The following NTM variants were observed in gnomAD, a reference collection of about 807,000 sequenced individuals.
NTM encodes neurotrimin, also known as IgLON family member 2.
A neutral mutation model predicts 42.1 loss-of-function variants in NTM; 13 were observed. That is an observed-to-expected ratio of 0.31 (90% confidence interval 0.20 to 0.49). The LOEUF is 0.49. Among genes scored for constraint, NTM ranks in the 20% least tolerant of loss-of-function variants. The pLI is 0.99. For missense variants in NTM, 373 were observed against 452.8 expected, an observed-to-expected ratio of 0.82 and a Z score of 1.60; for synonymous variants, 187 against 179.2, an observed-to-expected ratio of 1.04 and a Z score of -0.35.
chr11:131,527,899 A>T (rs79707285), intron 1 of NTM, among the ~76,000 whole-genome samples: 5,599 of 152,274 alleles, frequency 0.037, 348 homozygotes, highest in African/African-American at 0.13. Context: ...CAGCCCATTG[A>T]TCATGTACTA....
At chr11:131,511,094 C>A (rs908239324) in intron 1 of NTM, among the ~76,000 whole-genome samples, 3 of 152,186 alleles carry the variant, frequency 2.0e-5, no homozygotes, top group Admixed American at 6.5e-5. Context: ...GGGCTGTTGG[C>A]CAAATTGAGG....
chr11:132,179,181 G>T (rs1378260683), intron 3 of NTM, among the ~76,000 whole-genome samples: 2 of 152,146 alleles, frequency 1.3e-5, no homozygotes, highest in African/African-American at 4.8e-5. Flanking sequence ...CAAAAAAGAG[G>T]ATCAAAACCA....
chr11:131,734,490 G>A (rs1314484711), intron 1 of NTM, among the ~76,000 whole-genome samples: 2 of 152,146 alleles, frequency 1.3e-5, no homozygotes, highest in Non-Finnish European at 2.9e-5. Context: ...TTAGCAGTGT[G>A]CTAGGTAGAG....
intron 1 of NTM, among the ~76,000 whole-genome samples, chr11:131,423,788 G>A (rs906856630): frequency 6.6e-5 from 10 of 152,134 alleles, no homozygotes; most frequent in South Asian, 2.1e-4. Context: ...AAAGTATCTC[G>A]TTCTGTCTGC....
At chr11:131,969,453 GTCT>G (rs1461135037) in intron 2 of NTM, among the ~76,000 whole-genome samples, 1 of 152,214 alleles carries the variant, frequency 6.6e-6, no homozygotes, top group Non-Finnish European at 1.5e-5. Context: ...TCAAAACTGT[GTCT>G]TCTTGACATA....
chr11:132,053,035 C>T (rs1409680647), intron 2 of NTM, among the ~76,000 whole-genome samples: 1 of 152,118 alleles, frequency 6.6e-6, no homozygotes, highest in Non-Finnish European at 1.5e-5. Context: ...TGATAGCTTT[C>T]CACTGCATTT....
chr11:132,071,300 C>G (rs1452598509), intron 2 of NTM, among the ~76,000 whole-genome samples: 1 of 122,050 alleles, frequency 8.2e-6, no homozygotes, highest in Non-Finnish European at 1.7e-5. Flanking sequence ...GTCACACAGC[C>G]AAGTTAACAC....
intron 2 of NTM, among the ~76,000 whole-genome samples, chr11:131,979,307 G>C (rs1565872843): frequency 6.6e-6 from 1 of 152,182 alleles, no homozygotes; most frequent in East Asian, 1.9e-4. Flanking sequence ...CTGAGTGGAA[G>C]AGGATAAAGC....
chr11:131,625,212 T>C lies in NTM; in HGVS notation c.82+254324T>C, dbSNP rs1291128777. Among the ~76,000 whole-genome samples, 3 of 152,270 alleles carry C rather than the reference T, an allele frequency of 2.0e-5. No homozygotes were observed. The East Asian group carries it at 5.8e-4, about 29-fold the overall frequency. ...GTAAAGTGATCACATTTTCTGGAGA[T>C]GAATGTGTCCCTTTGAAAGCACCTG... On this transcript the variant is annotated intron_variant, in intron 1 of 8. Coordinates refer to ENST00000683400, the MANE Select transcript of NTM (RefSeq NM_001352005.2).
At chr11:131,531,010 T>G (rs2051192553) in intron 1 of NTM, among the ~76,000 whole-genome samples, 1 of 152,228 alleles carries the variant, frequency 6.6e-6, no homozygotes, top group Non-Finnish European at 1.5e-5. Context: ...ACTCAGTGCC[T>G]GCCACGAGCA....
rs758163633 is a variant in NTM, at chr11:132,314,644, A to C, written c.875A>C (p.Asn292Thr). 5 of 1,613,936 alleles carry C rather than the reference A, an allele frequency of 3.1e-6. No homozygotes were observed. Among genetic ancestry groups the C allele is most frequent in the Non-Finnish European group, 4.2e-6 (5 of 1,179,904 alleles). ...AATGTCTCTGAACATGACTATGGGA[A>C]CTACACTTGCGTGGCCTCCAACAAG... ...FFNVSEHDYG[N>T]YTCVASNKLG... The change falls in exon 7 of 9, where the codon AAC (asparagine) becomes ACC (threonine). Residue 292 changes from asparagine to threonine, a missense_variant. Asn to Thr is a moderately conservative substitution (Grantham distance 65, BLOSUM62 0). This residue lies in a region of NTM where 312 missense variants were observed against 353.5 expected (regional missense o/e 0.88). Coordinates refer to ENST00000683400, the MANE Select transcript of NTM (RefSeq NM_001352005.2).
chr11:131,970,598 C>T (rs663793), intron 2 of NTM, among the ~76,000 whole-genome samples: 92,405 of 152,110 alleles, frequency 0.61, 28,389 homozygotes, highest in East Asian at 0.74. Context: ...ACACTTCCGC[C>T]TCGCTGCTTA....
chr11:131,380,137 C>T (rs1399286297), intron 1 of NTM, among the ~76,000 whole-genome samples: 1 of 152,112 alleles, frequency 6.6e-6, no homozygotes, highest in Non-Finnish European at 1.5e-5. Context: ...AGGCCCTACC[C>T]TGCCCCTCTC....
chr11:132,298,804 T>C (rs1447291091), intron 4 of NTM, among the ~76,000 whole-genome samples: 1 of 152,222 alleles, frequency 6.6e-6, no homozygotes, highest in Non-Finnish European at 1.5e-5. Context: ...ATACACATAT[T>C]CAGTTCCAAC....
chr11:131,976,579 C>T (rs2134807250), intron 2 of NTM, among the ~76,000 whole-genome samples: 1 of 152,248 alleles, frequency 6.6e-6, no homozygotes, highest in South Asian at 2.1e-4. Flanking sequence ...GTTTCAGTGT[C>T]AGTTCTTCCT....
chr11:132,282,719 A>G (rs956802678), intron 4 of NTM, among the ~76,000 whole-genome samples: 3 of 152,228 alleles, frequency 2.0e-5, no homozygotes, highest in Admixed American at 6.5e-5. Flanking sequence ...AGAAAACATT[A>G]GGACAGGTAA....
intron 1 of NTM, among the ~76,000 whole-genome samples, chr11:131,610,291 G>T (rs1395241662): frequency 6.6e-6 from 1 of 152,228 alleles, no homozygotes; most frequent in Non-Finnish European, 1.5e-5. Flanking sequence ...AAAGGCTTTG[G>T]ATTAAACCAT....
intron 1 of NTM, among the ~76,000 whole-genome samples, chr11:131,440,624 G>A (rs11825002): frequency 2.6e-5 from 4 of 151,448 alleles, no homozygotes; most frequent in South Asian, 2.1e-4. Flanking sequence ...AAGTTCCTGG[G>A]TGATGATGAT....
intron 1 of NTM, among the ~76,000 whole-genome samples, chr11:131,637,469 T>A (rs141441177): frequency 4.0e-5 from 6 of 151,738 alleles, no homozygotes; most frequent in African/African-American, 1.5e-4. Flanking sequence ...CTTTTCCAGA[T>A]GGCCCACTGT....
Sources: allele counts gnomAD v4.1 joint callset (sites outside exome capture counted in the v4.1 genomes callset), GRCh38; gene constraint gnomAD v4.1.1; regional missense constraint gnomAD v4.1.1; transcripts MANE v1.5; gene names NCBI Gene and HGNC (gene_info 2026-07-23, HGNC 2026-07-21).